Variants in STIMATE observed in about 807,000 individuals in gnomAD.
STIMATE encodes store-operated calcium entry regulator STIMATE.
Under a neutral mutation model 36.7 loss-of-function variants are expected in STIMATE, and 15 were observed. The ratio of observed to expected loss-of-function variants is 0.41; its 90% CI spans 0.27 to 0.63. The LOEUF (loss-of-function observed/expected upper bound fraction) is 0.63, where lower values mean the gene tolerates loss of function less well. STIMATE is among the 20% of genes least tolerant of loss of function. The probability of loss-of-function intolerance (pLI) is 0.32; values close to 1 mark genes in which losing one functional copy is unlikely to be tolerated. For synonymous variants in STIMATE, 163 were observed against 162.3 expected (o/e 1.00, Z -0.03); for missense variants, 305 against 397.3 (o/e 0.77, Z 1.98).
intron 1 of STIMATE, among the ~76,000 whole-genome samples, chr3:52,886,307 G>C (rs1238810977): frequency 1.3e-5 from 2 of 152,212 alleles, no homozygotes; most frequent in South Asian, 2.1e-4. Context: ...CAGCAGGCAA[G>C]CAGAATGGCA....
In STIMATE at chr3:52,861,456, G is replaced by A. The variant is rs114027878; in HGVS notation, c.161-6012C>T. On this transcript the variant is annotated intron_variant, in intron 1 of 7. Transcript: ENST00000355083. Reference sequence around the variant, plus strand: ...CTCATCAGCCCTGAAAAGGAGGAGTGGTCAACAGCCTGGGCACAGTCAGAC... The same window carrying A: ...CTCATCAGCCCTGAAAAGGAGGAGTAGTCAACAGCCTGGGCACAGTCAGAC... Among the ~76,000 whole-genome samples, 1,471 of 152,270 alleles carry A rather than the reference G, an allele frequency of 9.7e-3. 19 individuals are homozygous for A. Among genetic ancestry groups the A allele is most frequent in the African/African-American group, 0.033 (1,364 of 41,528 alleles).
chr3:52,897,229 A>C, intron 1 of STIMATE, 62 bp downstream of exon 1: 1 of 1,511,928 alleles, frequency 6.6e-7, no homozygotes, highest in Non-Finnish European at 8.8e-7. Context: ...AGGGGCCCCC[A>C]GGGGGGCCGG....
chr3:52,855,118 G>A (rs1290958324), intron 2 of STIMATE, among the ~76,000 whole-genome samples: 3 of 152,076 alleles, frequency 2.0e-5, no homozygotes, highest in Admixed American at 1.3e-4. Flanking sequence ...AGCCAGCATC[G>A]GGGACTGATG....
intron 6 of STIMATE, 100 bp from the exon 7 acceptor site, chr3:52,843,060 C>G (rs1700829941): frequency 6.5e-7 from 1 of 1,546,292 alleles, no homozygotes; most frequent in African/African-American, 1.4e-5. Context: ...GTTATAAGAT[C>G]CAGAGCTATG....
chr3:52,843,709 C>G lies in STIMATE; in HGVS notation c.618+12G>C. On this transcript the variant is annotated intron_variant, in intron 6 of 7. Transcript: ENST00000355083. ...GGAGCAAATCGGGATAAAAATGCAA[C>G]ATGGCACTGACGTTGACAAAGAAGG... 1.2e-6 allele frequency: 2 copies of G among 1,614,074 alleles called. No homozygotes were observed. Among genetic ancestry groups the G allele is most frequent in the Non-Finnish European group, 1.7e-6 (2 of 1,180,010 alleles).
At chr3:52,842,701 G>C (rs1459701034) in intron 7 of STIMATE, 110 bp downstream of exon 7, 1 of 1,558,144 alleles carries the variant, frequency 6.4e-7, no homozygotes, top group African/African-American at 1.4e-5. Flanking sequence ...CCTCTGGCTC[G>C]CACTGTGACT....
rs938230258 is a variant in STIMATE, at chr3:52,847,325, C to T, written c.428-2384G>A. 6.1e-5 allele frequency: 73 copies of T among 1,199,964 alleles called. No homozygotes were observed. The South Asian group carries it at 1.0e-3, about 17-fold the overall frequency. 74.3% of individuals were successfully genotyped at this position (1,199,964 alleles called of 1,614,324 possible). On this transcript the variant is annotated intron_variant, in intron 4 of 7. Coordinates refer to ENST00000355083, the MANE Select transcript of STIMATE (RefSeq NM_198563.5). ...AGCAATAGGGGCCAAAAGGAGGGAA[C>T]ACATCTGTGGCGAGAGGCTTTCAAA...
At chr3:52,866,088 G>A (rs377013677) in intron 1 of STIMATE, among the ~76,000 whole-genome samples, 26 of 152,302 alleles carry the variant, frequency 1.7e-4, no homozygotes, top group African/African-American at 5.3e-4. Context: ...ACCTCTGCCT[G>A]TGTGGGCCCA....
At chr3:52,890,951 G>A (rs1309839063) in intron 1 of STIMATE, among the ~76,000 whole-genome samples, 1 of 152,134 alleles carries the variant, frequency 6.6e-6, no homozygotes, top group African/African-American at 2.4e-5. Context: ...GCCCAGGCAA[G>A]GAAAATCTTC....
At chr3:52,870,291 T>C (rs913438337) in intron 1 of STIMATE, among the ~76,000 whole-genome samples, 12 of 152,200 alleles carry the variant, frequency 7.9e-5, no homozygotes, top group African/African-American at 2.6e-4. Flanking sequence ...ATCATTGCAG[T>C]AAGTTTGGAA....
chr3:52,874,334 G>A (rs960935011), intron 1 of STIMATE, among the ~76,000 whole-genome samples: 5 of 152,144 alleles, frequency 3.3e-5, no homozygotes, highest in African/African-American at 1.2e-4. Context: ...CATGCTAAAT[G>A]GGGGGAAAAA....
chr3:52,849,578 C>T (rs1384278177), intron 4 of STIMATE, among the ~76,000 whole-genome samples: 1 of 152,196 alleles, frequency 6.6e-6, no homozygotes, highest in East Asian at 1.9e-4. Context: ...TGCCACCTTC[C>T]CTGCCATAAG....
Position 52,897,500 on chromosome 3 carries a change from C to A in STIMATE, c.-50G>T. 5 of 1,200,096 alleles carry A rather than the reference C, an allele frequency of 4.2e-6. No individual in the cohort carries two copies. Among genetic ancestry groups the A allele is most frequent in the Non-Finnish European group, 4.1e-6 (4 of 968,520 alleles). 74.3% of individuals were successfully genotyped at this position (1,200,096 alleles called of 1,614,324 possible). ...AGGGCCCAGGGCCCGCCCGGCCTCGCTGCCTGCCGGCGCAGCGCCGCCAAA... is the reference window on the plus strand; with the variant it reads ...AGGGCCCAGGGCCCGCCCGGCCTCGATGCCTGCCGGCGCAGCGCCGCCAAA... On this transcript the variant is annotated 5_prime_UTR_variant, in exon 1 of 8. Transcript: ENST00000355083.
At chr3:52,843,166 T>C (rs989605283) in intron 6 of STIMATE, 6 of 1,018,392 alleles carry the variant, frequency 5.9e-6, no homozygotes, top group Admixed American at 3.0e-5. Flanking sequence ...CTGATCAGAG[T>C]GTGCAAGGAA....
intron 2 of STIMATE, among the ~76,000 whole-genome samples, chr3:52,854,252 C>T (rs1701054816): frequency 6.6e-6 from 1 of 152,102 alleles, no homozygotes; most frequent in African/African-American, 2.4e-5. Context: ...AGACAGGAGC[C>T]TTTTGCTCTA....
chr3:52,896,708 G>A (rs1701870516), intron 1 of STIMATE, among the ~76,000 whole-genome samples: 1 of 152,164 alleles, frequency 6.6e-6, no homozygotes, highest in South Asian at 2.1e-4. Context: ...CAGACTGGGT[G>A]GGTCCTACCC....
chr3:52,869,006 G>T (rs1210626486), intron 1 of STIMATE, among the ~76,000 whole-genome samples: 1 of 152,098 alleles, frequency 6.6e-6, no homozygotes, highest in African/African-American at 2.4e-5. Context: ...AGGTCATGGG[G>T]TTTGCCATTG....
intron 1 of STIMATE, among the ~76,000 whole-genome samples, chr3:52,896,465 C>T (rs1186594720): frequency 6.6e-6 from 1 of 152,022 alleles, no homozygotes; most frequent in African/African-American, 2.4e-5. Flanking sequence ...ACAGAAGCCC[C>T]CCCCCACCCC....
chr3:52,871,680 C>A (rs1488065559), intron 1 of STIMATE, among the ~76,000 whole-genome samples: 2 of 152,218 alleles, frequency 1.3e-5, no homozygotes, highest in African/African-American at 4.8e-5. Flanking sequence ...ATCCTCCACA[C>A]AGCTGTCAGT....
Sources: allele counts gnomAD v4.1 joint callset (sites outside exome capture counted in the v4.1 genomes callset), GRCh38; gene constraint gnomAD v4.1.1; transcripts MANE v1.5; gene names NCBI Gene and HGNC (gene_info 2026-07-23, HGNC 2026-07-21).